Variants in GRIA2 observed in about 807,000 individuals in gnomAD.
The protein encoded by GRIA2 is glutamate receptor 2.
A neutral mutation model predicts 97.3 loss-of-function variants in GRIA2; 14 were observed. The observed-to-expected ratio is 0.14, with a 90% confidence interval of 0.10 to 0.23. The LOEUF (loss-of-function observed/expected upper bound fraction) is 0.23, where lower values mean the gene tolerates loss of function less well. Ranked by LOEUF, GRIA2 falls within the 10% of genes least tolerant of loss-of-function variation. The pLI is 1.00. For synonymous variants in GRIA2, 412 were observed against 387.8 expected, an observed-to-expected ratio of 1.06 and a Z score of -0.73; for missense variants, 558 against 1,069.8, an observed-to-expected ratio of 0.52 and a Z score of 6.67.
chr4:157,224,770 G>A (rs1729669024), intron 2 of GRIA2, among the ~76,000 whole-genome samples: 1 of 152,000 alleles, frequency 6.6e-6, no homozygotes, highest in South Asian at 2.1e-4. Context: ...TTTATTCAGG[G>A]AAGTCTGTGA....
At chr4:157,353,700 CAAACAAAA>C (rs1016346834) in intron 12 of GRIA2, among the ~76,000 whole-genome samples, 8 of 151,662 alleles carry the variant, frequency 5.3e-5, no homozygotes, top group South Asian at 2.1e-4. Flanking sequence ...AACAAACAAA[CAAACAAAA>C]AAACAAAAAA....
At chr4:157,309,461 C>A (rs1733981869) in intron 3 of GRIA2, among the ~76,000 whole-genome samples, 1 of 150,622 alleles carries the variant, frequency 6.6e-6, no homozygotes, top group Non-Finnish European at 1.5e-5. Context: ...AAGGAATTCT[C>A]CTGCCTCAGT....
At chr4:157,254,034 T>TC (rs1561012037) in intron 2 of GRIA2, among the ~76,000 whole-genome samples, 2 of 152,046 alleles carry the variant, frequency 1.3e-5, no homozygotes, top group Non-Finnish European at 2.9e-5. Context: ...TTTTTTTTTT[T>TC]CCCTAATGGC....
rs1736759581 is a variant in GRIA2 at position 157,363,967 on chromosome 4, A to G, written c.*536A>G. On this transcript the variant is annotated 3_prime_UTR_variant, in exon 16 of 16. Coordinates refer to ENST00000264426, the MANE Select transcript of GRIA2 (RefSeq NM_001083619.3). ...ATGTTTTATAAAAAAAGGAAAAAAA[A>G]CATTTAAAACTAAAAAATATTTTTA... 6.3e-6 allele frequency: 1 copy of G among 159,308 alleles called. No individual in the cohort carries two copies. Among genetic ancestry groups the G allele is most frequent in the South Asian group, 2.0e-4 (1 of 4,880 alleles). The allele number at this position is 159,308 out of a possible 1,614,324, so 9.9% of individuals were successfully genotyped here. A position where few individuals can be genotyped will look rare whatever the true frequency, so the allele number is the denominator to read the frequency against.
At chr4:157,320,440 T>C (rs1165902147) in intron 5 of GRIA2, among the ~76,000 whole-genome samples, 1 of 152,114 alleles carries the variant, frequency 6.6e-6, no homozygotes, top group Admixed American at 6.6e-5. Context: ...TTGAATGTTT[T>C]GAAGCAACTT....
intron 2 of GRIA2, among the ~76,000 whole-genome samples, chr4:157,246,750 T>G (rs1469331875): frequency 6.6e-6 from 1 of 152,130 alleles, no homozygotes; most frequent in Non-Finnish European, 1.5e-5. Flanking sequence ...TTTGTAGAGA[T>G]TTTCACTTCT....
intron 2 of GRIA2, among the ~76,000 whole-genome samples, chr4:157,279,795 T>C (rs988004070): frequency 1.3e-5 from 2 of 152,168 alleles, no homozygotes; most frequent in Admixed American, 6.6e-5. Context: ...CATTTTTATT[T>C]TGTTTCTTGT....
At chr4:157,356,809 G>A (rs1169732054) in intron 12 of GRIA2, among the ~76,000 whole-genome samples, 3 of 151,796 alleles carry the variant, frequency 2.0e-5, no homozygotes, top group Admixed American at 1.3e-4. Flanking sequence ...GAGTGGATCC[G>A]ATGATTGTAG....
chr4:157,329,316 G>A (rs918668217), intron 6 of GRIA2, among the ~76,000 whole-genome samples: 1 of 151,954 alleles, frequency 6.6e-6, no homozygotes, highest in Non-Finnish European at 1.5e-5. Context: ...AGATTCTCCA[G>A]AGGAATATCA....
intron 11 of GRIA2, among the ~76,000 whole-genome samples, chr4:157,337,156 GCA>G (rs1241541805): frequency 2.0e-5 from 3 of 151,968 alleles, no homozygotes; most frequent in African/African-American, 4.8e-5. Context: ...AACTTCGTTG[GCA>G]CACATCTCAT....
chr4:157,332,527 GA>G (rs5863261), intron 6 of GRIA2, among the ~76,000 whole-genome samples: 19 of 147,096 alleles, frequency 1.3e-4, no homozygotes, highest in South Asian at 4.2e-4. Context: ...AAGCAGGTTA[GA>G]AAAAAAAAAA....
intron 2 of GRIA2, among the ~76,000 whole-genome samples, chr4:157,254,009 C>G (rs1434826568): frequency 6.6e-6 from 1 of 151,534 alleles, no homozygotes; most frequent in Non-Finnish European, 1.5e-5. Context: ...AGTACACGCA[C>G]ACACACATAC....
intron 2 of GRIA2, chr4:157,249,941 C>A (rs1223701859): frequency 1.3e-5 from 2 of 152,008 alleles, no homozygotes. Context: ...ATGCTGGGAC[C>A]ATTTCTCTAG....
At chr4:157,329,776 G>A (rs1056015939) in intron 6 of GRIA2, among the ~76,000 whole-genome samples, 2 of 151,880 alleles carry the variant, frequency 1.3e-5, no homozygotes, top group Non-Finnish European at 2.9e-5. Context: ...ATTTGATACA[G>A]TATTTGCCAA....
At position 157,254,492 on chromosome 4, in the gene GRIA2, C is replaced by T. The variant is rs983570117; in HGVS notation, c.229+32685C>T. Among the ~76,000 whole-genome samples, 11 of 151,874 alleles carry T rather than the reference C, an allele frequency of 7.2e-5. No homozygotes were observed. In the East Asian group the frequency reaches 7.8e-4, roughly 11 times the overall value. On this transcript the variant is annotated intron_variant, in intron 2 of 15. Transcript: ENST00000264426. Reference sequence around the variant, plus strand: ...TTGTTAATATCCATAGTCTATAGTCCGGAAAGAGCCCCTGAAATCAAAAAG... The same window carrying T: ...TTGTTAATATCCATAGTCTATAGTCTGGAAAGAGCCCCTGAAATCAAAAAG...
chr4:157,353,600 C>T (rs570363603), intron 12 of GRIA2, among the ~76,000 whole-genome samples: 42 of 151,512 alleles, frequency 2.8e-4, no homozygotes, highest in African/African-American at 8.7e-4. Flanking sequence ...GGCATGAACC[C>T]GGGAGGTGGA....
intron 2 of GRIA2, among the ~76,000 whole-genome samples, chr4:157,226,985 A>T (rs1327466661): frequency 6.6e-6 from 1 of 152,166 alleles, no homozygotes; most frequent in African/African-American, 2.4e-5. Flanking sequence ...AAAATTTCAT[A>T]CTTCACTTAT....
At chr4:157,334,293 A>G (rs1267492342) in intron 9 of GRIA2, 173 bp downstream of exon 9, 1 of 542,962 alleles carries the variant, frequency 1.8e-6, no homozygotes, top group Admixed American at 3.1e-5. Flanking sequence ...TAGCTAAAGC[A>G]TTGAAAATGT....
At chr4:157,335,969 G>A (rs1434300355) in intron 10 of GRIA2, 92 bp downstream of exon 10, 1 of 831,438 alleles carries the variant, frequency 1.2e-6, no homozygotes. Flanking sequence ...TATATCTGAG[G>A]TTGTTGATTT....
Sources: gnomAD v4.1 joint callset for allele counts (sites outside exome capture counted in the v4.1 genomes callset) on GRCh38, gnomAD v4.1.1 for gene constraint, MANE v1.5 for transcripts, NCBI Gene and HGNC (gene_info 2026-07-23, HGNC 2026-07-21) for gene names.